Variants in SPMIP1 observed in about 807,000 individuals in gnomAD.
SPMIP1 encodes the protein protein SPMIP1.
the SPMIP1 span, among the ~76,000 whole-genome samples, chr7:128,868,066 GTAAC>G: frequency 6.6e-6 from 1 of 152,316 alleles, no homozygotes; most frequent in East Asian, 1.9e-4. Flanking sequence ...AGGCAGTGGA[GTAAC>G]TAGAGATGAA....
At chr7:128,866,641 C>A in the SPMIP1 span, 1 of 1,535,532 alleles carries the variant, frequency 6.5e-7, no homozygotes. Context: ...GGTGCCCAGC[C>A]CTGTCCCAGA....
At chr7:128,869,014 A>G in the SPMIP1 span, 7 of 431,428 alleles carry the variant, frequency 1.6e-5, no homozygotes, top group Non-Finnish European at 2.9e-5. Flanking sequence ...GGCGAGCACT[A>G]CTTCGCAGGC....
the SPMIP1 span, chr7:128,868,541 A>G: frequency 1.8e-5 from 10 of 560,470 alleles, no homozygotes; most frequent in African/African-American, 7.5e-5. Context: ...AGCACTTTCT[A>G]TTTCTTCCCA....
At chr7:128,870,197 G>A in the SPMIP1 span, 3 of 152,464 alleles carry the variant, frequency 2.0e-5, no homozygotes, top group Non-Finnish European at 2.9e-5. Context: ...TGCTTTCAGG[G>A]ACCCGCAGGA....
the SPMIP1 span, chr7:128,870,206 G>C: frequency 6.6e-6 from 1 of 152,476 alleles, no homozygotes; most frequent in Non-Finnish European, 1.5e-5. Flanking sequence ...GGACCCGCAG[G>C]AGTCCCTCGG....
Sources: allele counts gnomAD v4.1 joint callset (sites outside exome capture counted in the v4.1 genomes callset), GRCh38; gene constraint gnomAD v4.1.1; transcripts MANE v1.5; gene names NCBI Gene and HGNC (gene_info 2026-07-23, HGNC 2026-07-21).